Variants in NCKAP5 observed in about 807,000 individuals in gnomAD.
NCKAP5 encodes NCK associated protein 5.
Under a neutral mutation model 167.0 loss-of-function variants are expected in NCKAP5, and 92 were observed. The ratio of observed to expected loss-of-function variants is 0.55; its 90% CI spans 0.47 to 0.66. The LOEUF (loss-of-function observed/expected upper bound fraction) is 0.66, where lower values mean the gene tolerates loss of function less well. Among genes scored for constraint, NCKAP5 ranks in the 30% least tolerant of loss-of-function variants. NCKAP5 has a pLI of 0.00. For synonymous variants in NCKAP5, 891 were observed against 877.4 expected, an observed-to-expected ratio of 1.02 and a Z score of -0.27; for missense variants, 2,378 against 2,315.0, an observed-to-expected ratio of 1.03 and a Z score of -0.56.
At chr2:132,831,600 T>C (rs1386521877) in intron 11 of NCKAP5, among the ~76,000 whole-genome samples, 1 of 152,152 alleles carries the variant, frequency 6.6e-6, no homozygotes, top group Non-Finnish European at 1.5e-5. Context: ...CCTTATTGAC[T>C]GGTAGGGGCT....
intron 16 of NCKAP5, among the ~76,000 whole-genome samples, chr2:132,773,385 T>C (rs950146303): frequency 1.3e-5 from 2 of 152,240 alleles, no homozygotes; most frequent in South Asian, 4.1e-4. Context: ...ACAGAAATGA[T>C]GTAAAAAGAG....
chr2:133,041,385 A>T (rs1163488955), intron 6 of NCKAP5, among the ~76,000 whole-genome samples: 1 of 152,186 alleles, frequency 6.6e-6, no homozygotes, highest in Non-Finnish European at 1.5e-5. Flanking sequence ...TAGAATTCTG[A>T]TGATGTTAAT....
At chr2:133,411,528 C>T (rs1028216537) in intron 3 of NCKAP5, among the ~76,000 whole-genome samples, 2 of 152,114 alleles carry the variant, frequency 1.3e-5, no homozygotes, top group East Asian at 1.9e-4. Context: ...TCCACTGGGG[C>T]TGGTGGAGGG....
intron 6 of NCKAP5, among the ~76,000 whole-genome samples, chr2:133,035,058 G>C (rs1420728030): frequency 1.3e-5 from 2 of 151,878 alleles, no homozygotes; most frequent in East Asian, 3.9e-4. Flanking sequence ...CTGAAAATAA[G>C]GGATGGAAAA....
chr2:132,950,137 G>C (rs961949372), intron 8 of NCKAP5, among the ~76,000 whole-genome samples: 1 of 152,054 alleles, frequency 6.6e-6, no homozygotes, highest in Non-Finnish European at 1.5e-5. Flanking sequence ...ACTTTAGTCT[G>C]TTCACTACAC....
At chr2:132,855,690 C>A (rs1451373962) in intron 11 of NCKAP5, among the ~76,000 whole-genome samples, 1 of 152,160 alleles carries the variant, frequency 6.6e-6, no homozygotes, top group Non-Finnish European at 1.5e-5. Context: ...AACTCAAGAA[C>A]CACAGTTCCA....
intron 5 of NCKAP5, among the ~76,000 whole-genome samples, chr2:133,189,163 C>T (rs1460268076): frequency 6.6e-6 from 1 of 152,052 alleles, no homozygotes; most frequent in African/African-American, 2.4e-5. Context: ...CACCTCTACA[C>T]AAATAAACCA....
chr2:133,616,187 C>A, the NCKAP5 span, among the ~76,000 whole-genome samples: 7 of 150,214 alleles, frequency 4.7e-5, no homozygotes, highest in African/African-American at 1.7e-4. Flanking sequence ...TAAATGCCCA[C>A]AAGAGAAAGC....
intron 2 of NCKAP5, among the ~76,000 whole-genome samples, chr2:133,550,348 A>G (rs1357419887): frequency 4.6e-5 from 7 of 150,736 alleles, no homozygotes; most frequent in African/African-American, 9.8e-5. Flanking sequence ...AAAATCCTCA[A>G]TAAAATACTG....
At chr2:133,670,512 G>A in the NCKAP5 span, among the ~76,000 whole-genome samples, 4 of 152,250 alleles carry the variant, frequency 2.6e-5, no homozygotes, top group South Asian at 8.3e-4. Flanking sequence ...CAGACTTCGA[G>A]AAAACATATA....
At chr2:133,341,662 G>T (rs1348573502) in intron 3 of NCKAP5, among the ~76,000 whole-genome samples, 3 of 152,112 alleles carry the variant, frequency 2.0e-5, no homozygotes, top group East Asian at 3.9e-4. Context: ...TCCCAAATTT[G>T]CCAGCTGTTA....
the NCKAP5 span, among the ~76,000 whole-genome samples, chr2:133,672,226 G>T: frequency 2.0e-5 from 3 of 151,780 alleles, no homozygotes; most frequent in Non-Finnish European, 4.4e-5. Context: ...CCAAAGATGG[G>T]GAAGGGTTTG....
Position 132,896,964 on chromosome 2 carries a change from T to A in NCKAP5, c.580-18048A>T, listed in dbSNP as rs530831563. 5.3e-5 allele frequency among the ~76,000 whole-genome samples: 8 copies of A among 152,280 alleles called. No individual in the cohort carries two copies. In the East Asian group the frequency reaches 1.5e-3, roughly 29 times the overall value. Reference sequence around the variant, plus strand: ...TAGCTTTATTTTTTTCCCTTCATAATCTTACTAGACCACATCATCTCCAAA... The same window carrying A: ...TAGCTTTATTTTTTTCCCTTCATAAACTTACTAGACCACATCATCTCCAAA... On this transcript the variant is annotated intron_variant, in intron 8 of 19. Transcript: ENST00000409261.
intron 10 of NCKAP5, among the ~76,000 whole-genome samples, chr2:132,862,202 T>C (rs546581788): frequency 3.3e-5 from 5 of 152,350 alleles, no homozygotes; most frequent in African/African-American, 9.6e-5. Flanking sequence ...ATGAATCTAA[T>C]GGTGAAGTTA....
chr2:132,772,471 A>T (rs1682163091), intron 16 of NCKAP5, among the ~76,000 whole-genome samples: 1 of 152,232 alleles, frequency 6.6e-6, no homozygotes, highest in South Asian at 2.1e-4. Context: ...CTCTTAGGAA[A>T]AATTCAGCTT....
rs554225464 is a variant in NCKAP5 at position 133,032,423 on chromosome 2, G to C, written c.342-38184C>G. On this transcript the variant is annotated intron_variant, in intron 6 of 19. Coordinates refer to ENST00000409261, the MANE Select transcript of NCKAP5 (RefSeq NM_207363.3). The stretch of plus-strand genomic sequence containing the variant: ...TGAGAAGGACTAGGTCTTGTGGTCT[G>C]AGTGCCAGCTCAGCCACAGTACAAT... Among the ~76,000 whole-genome samples, 17 of 152,274 alleles carry C rather than the reference G, an allele frequency of 1.1e-4. 1 individual carries two copies. Among genetic ancestry groups the C allele is most frequent in the Admixed American group, 1.1e-3 (17 of 15,302 alleles).
chr2:132,891,267 A>G (rs6731366), intron 8 of NCKAP5, among the ~76,000 whole-genome samples: 127,055 of 152,146 alleles, frequency 0.84, 53,570 homozygotes, highest in African/African-American at 0.95. Context: ...CCACCCTCAC[A>G]TTTGGATTCA....
chr2:132,968,966 G>A (rs575082810), intron 7 of NCKAP5, among the ~76,000 whole-genome samples: 1 of 152,298 alleles, frequency 6.6e-6, no homozygotes, highest in East Asian at 1.9e-4. Context: ...AGCCAAGAAG[G>A]CAGGGGATGA....
chr2:132,717,902 G>C (rs1197363720), intron 19 of NCKAP5, among the ~76,000 whole-genome samples: 1 of 152,104 alleles, frequency 6.6e-6, no homozygotes, highest in African/African-American at 2.4e-5. Context: ...GGCTGGAGAG[G>C]GCATGCTGGA....
Sources: gnomAD v4.1 joint callset for allele counts (sites outside exome capture counted in the v4.1 genomes callset) on GRCh38, gnomAD v4.1.1 for gene constraint, MANE v1.5 for transcripts, NCBI Gene and HGNC (gene_info 2026-07-23, HGNC 2026-07-21) for gene names.